MTHFD2: variants seen among roughly 807,000 people sequenced by gnomAD.
MTHFD2 encodes methylenetetrahydrofolate dehydrogenase (NADP+ dependent) 2, methenyltetrahydrofolate cyclohydrolase.
MTHFD2 carries 26 observed loss-of-function variants against 36.8 expected under a neutral mutation model. That is an observed-to-expected ratio of 0.71 (90% confidence interval 0.52 to 0.98). The LOEUF is 0.98. Among genes scored for constraint, MTHFD2 ranks in the 50% least tolerant of loss-of-function variants. The probability of loss-of-function intolerance (pLI) is 0.00; values close to 1 mark genes in which losing one functional copy is unlikely to be tolerated. For missense variants in MTHFD2, 373 were observed against 434.0 expected, an observed-to-expected ratio of 0.86 and a Z score of 1.25; for synonymous variants, 164 against 155.2, an observed-to-expected ratio of 1.06 and a Z score of -0.42.
rs1464461897 is a variant in MTHFD2, at chr2:74,214,844, T to C, written c.*602T>C. The stretch of plus-strand genomic sequence containing the variant: ...GTCCTTTTGAGGCTTAGTCAGTTTA[T>C]TGGGAAAATGTTTAGGATTATTCCT... On this transcript the variant is annotated 3_prime_UTR_variant, in exon 8 of 8. Coordinates refer to ENST00000394053, the MANE Select transcript of MTHFD2 (RefSeq NM_006636.4). The C allele has an allele frequency of 1.3e-5, 2 of 152,304 alleles. No homozygotes were observed. Among genetic ancestry groups the C allele is most frequent in the African/African-American group, 4.8e-5 (2 of 41,472 alleles). 9.4% of individuals were successfully genotyped at this position (152,304 alleles called of 1,614,324 possible).
chr2:74,205,650 T>G, intron 1 of MTHFD2, 55 bp from the exon 2 acceptor site: 1 of 1,568,308 alleles, frequency 6.4e-7, no homozygotes, highest in Non-Finnish European at 8.7e-7. Context: ...GGCAGAGTTT[T>G]AGTTTTTATA....
chr2:74,202,587 G>A (rs552310889), intron 1 of MTHFD2, among the ~76,000 whole-genome samples: 86 of 151,550 alleles, frequency 5.7e-4, no homozygotes, highest in African/African-American at 2.0e-3. Flanking sequence ...CTCCGCTCAC[G>A]GCAGTCTCTG....
intron 1 of MTHFD2, among the ~76,000 whole-genome samples, chr2:74,201,832 CTG>C (rs1196222393): frequency 6.6e-6 from 1 of 152,188 alleles, no homozygotes; most frequent in Non-Finnish European, 1.5e-5. Context: ...ACTCCCAAGG[CTG>C]TATTTCACAT....
chr2:74,214,001 CTTGT>C lies in MTHFD2; in HGVS notation c.890-75_890-72del, dbSNP rs145390147. Reference sequence around the variant, plus strand: ...ATGTATGTTACTTTTTCCTTGCATGCTTGTTTAATAATATATTAAAGTACACACA... The same window carrying C: ...ATGTATGTTACTTTTTCCTTGCATGCTTAATAATATATTAAAGTACACACA... On this transcript the variant is annotated intron_variant, in intron 7 of 7. Coordinates refer to ENST00000394053, the MANE Select transcript of MTHFD2 (RefSeq NM_006636.4). 2,175 of 1,449,750 alleles carry C rather than the reference CTTGT, an allele frequency of 1.5e-3. 31 individuals carry two copies. The African/African-American group carries it at 0.026, about 18-fold the overall frequency. 89.8% of individuals were successfully genotyped at this position (1,449,750 alleles called of 1,614,324 possible). A position where few individuals can be genotyped will look rare whatever the true frequency, so the allele number is the denominator to read the frequency against.
chr2:74,213,270 C>T (rs111889001), intron 7 of MTHFD2, among the ~76,000 whole-genome samples: 28 of 76,040 alleles, frequency 3.7e-4, no homozygotes, highest in African/African-American at 9.0e-4. Context: ...TTTTTCTTTC[C>T]TTTTTTTTTT....
At position 74,205,894 on chromosome 2, in the gene MTHFD2, G is replaced by A; in HGVS notation, c.286+5G>A. ...CCAGGGCAGCTGCAGTTGTGGGTAT[G>A]TGTCCTTCTGAGACCTCGACTGCGG... On this transcript the variant is annotated splice_donor_5th_base_variant and intron_variant, in intron 2 of 7. Transcript: ENST00000394053. 1 of 1,608,912 alleles carries A rather than the reference G, an allele frequency of 6.2e-7. No individual in the cohort carries two copies. Among genetic ancestry groups the A allele is most frequent in the Non-Finnish European group, 8.5e-7 (1 of 1,175,930 alleles).
chr2:74,204,032 G>A (rs1390713073), intron 1 of MTHFD2, among the ~76,000 whole-genome samples: 1 of 151,944 alleles, frequency 6.6e-6, no homozygotes, highest in Non-Finnish European at 1.5e-5. Flanking sequence ...TCCTGCCTCA[G>A]CCTCCTGAGT....
chr2:74,209,245 CTTTT>C (rs745993078), intron 4 of MTHFD2, among the ~76,000 whole-genome samples: 1 of 146,922 alleles, frequency 6.8e-6, no homozygotes, highest in Non-Finnish European at 1.5e-5. Context: ...TTTTCTTTTT[CTTTT>C]TTTTTGTTTT....
At chr2:74,211,576 T>TA (rs1694304514) in intron 6 of MTHFD2, 165 bp from the exon 7 acceptor site, 4 of 649,294 alleles carry the variant, frequency 6.2e-6, no homozygotes, top group East Asian at 6.5e-5. Flanking sequence ...GGAGCCAAAA[T>TA]AAAAAAATAA....
intron 1 of MTHFD2, among the ~76,000 whole-genome samples, chr2:74,204,157 A>G (rs537369032): frequency 2.0e-5 from 3 of 151,646 alleles, no homozygotes; most frequent in African/African-American, 7.3e-5. Flanking sequence ...CAAGCAATCC[A>G]CCCTCCTCGG....
intron 1 of MTHFD2, 21 bp downstream of exon 1, chr2:74,198,763 G>C (rs1320142326): frequency 1.9e-6 from 3 of 1,585,520 alleles, no homozygotes; most frequent in African/African-American, 1.4e-5. Flanking sequence ...CACAGAGCTC[G>C]GTCAGCGCGG....
chr2:74,216,878 G>A lies in MTHFD2; in HGVS notation c.*2636G>A, dbSNP rs193213325. ...CCCCACCTCTGCCTCCCAAGTAGCG[G>A]GATTACAGGTGTGAGCCACTGTGTC... On this transcript the variant is annotated 3_prime_UTR_variant, in exon 8 of 8. Coordinates refer to ENST00000394053, the MANE Select transcript of MTHFD2 (RefSeq NM_006636.4). 1.3e-5 allele frequency: 2 copies of A among 152,284 alleles called. No individual in the cohort carries two copies. Among genetic ancestry groups the A allele is most frequent in the African/African-American group, 4.8e-5 (2 of 41,548 alleles). 9.4% of individuals were successfully genotyped at this position (152,284 alleles called of 1,614,324 possible).
chr2:74,213,607 T>G (rs928197839), intron 7 of MTHFD2, among the ~76,000 whole-genome samples: 6 of 152,190 alleles, frequency 3.9e-5, no homozygotes, highest in African/African-American at 1.4e-4. Context: ...ATAATCCTAT[T>G]CCTAGCTTTC....
chr2:74,208,713 A>C lies in MTHFD2; in HGVS notation c.554A>C (p.Lys185Thr). 1 of 1,613,996 alleles carries C rather than the reference A, an allele frequency of 6.2e-7. No individual in the cohort carries two copies. Among genetic ancestry groups the C allele is most frequent in the Non-Finnish European group, 8.5e-7 (1 of 1,179,958 alleles). The change falls in exon 4 of 8, where the codon AAG (lysine) becomes ACG (threonine). Residue 185 changes from lysine (K) to threonine (T), a missense_variant. By Grantham distance (78) the Lys-to-Thr change is moderately conservative. This residue lies in a region of MTHFD2 where 308 missense variants were observed against 397.8 expected (regional missense o/e 0.77). Transcript: ENST00000394053. ...CCATGGGGTGTGTGGGAAATAATCA[A>C]GCGAACTGGTAGGTATATCCCAGAA... ...ATPWGVWEIIKRTGIPTLGKN... is the reference protein window; with the variant it reads ...ATPWGVWEIITRTGIPTLGKN...
intron 7 of MTHFD2, among the ~76,000 whole-genome samples, chr2:74,212,891 AT>A (rs1694338467): frequency 6.8e-6 from 1 of 146,894 alleles, no homozygotes; most frequent in Non-Finnish European, 1.5e-5. Flanking sequence ...ATACTAGTAG[AT>A]TTCTTCTTTC....
chr2:74,202,471 G>A (rs1251674888), intron 1 of MTHFD2, among the ~76,000 whole-genome samples: 2 of 152,044 alleles, frequency 1.3e-5, no homozygotes, highest in African/African-American at 4.8e-5. Flanking sequence ...CAGGAATGAG[G>A]AATGTTGCCA....
At position 74,199,537 on chromosome 2, in the gene MTHFD2, C is replaced by T. The variant is rs10198300; in HGVS notation, c.101+795C>T. On this transcript the variant is annotated intron_variant, in intron 1 of 7. Coordinates refer to ENST00000394053, the MANE Select transcript of MTHFD2 (RefSeq NM_006636.4). ...TGGTGATGGTTGCACAACATATGAA[C>T]GTATTTAATACCACTGAACTGCACT... Among the ~76,000 whole-genome samples the T allele has an allele frequency of 7.9e-3, 1,202 of 152,136 alleles. 14 individuals are homozygous for T. The highest frequency in any genetic ancestry group is 0.028 in the African/African-American group (1,145 of 41,490).
At chr2:74,207,663 T>C (rs749619298) in intron 2 of MTHFD2, 41 bp from the exon 3 acceptor site, 2 of 1,568,738 alleles carry the variant, frequency 1.3e-6, no homozygotes, top group Non-Finnish European at 1.7e-6. Context: ...GCTCATTAAA[T>C]GCCTCAAAAA....
At chr2:74,212,376 G>A (rs1280123404) in intron 7 of MTHFD2, among the ~76,000 whole-genome samples, 2 of 138,248 alleles carry the variant, frequency 1.4e-5, no homozygotes, top group African/African-American at 5.5e-5. Flanking sequence ...AGCGATTCTT[G>A]TGCTTCAAGC....
Sources: allele counts gnomAD v4.1 joint callset (sites outside exome capture counted in the v4.1 genomes callset), GRCh38; gene constraint gnomAD v4.1.1; regional missense constraint gnomAD v4.1.1; transcripts MANE v1.5; gene names NCBI Gene and HGNC (gene_info 2026-07-23, HGNC 2026-07-21).